BICD1: variants seen among roughly 807,000 people sequenced by gnomAD.
BICD1 encodes the protein BICD cargo adaptor 1, also known as protein bicaudal D homolog 1.
Under a neutral mutation model 92.5 loss-of-function variants are expected in BICD1, and 35 were observed. The ratio of observed to expected loss-of-function variants is 0.38; its 90% confidence interval spans 0.29 to 0.50. The LOEUF (loss-of-function observed/expected upper bound fraction) is 0.50, where lower values mean the gene tolerates loss of function less well. Among genes scored for constraint, BICD1 ranks in the 20% least tolerant of loss-of-function variants. The pLI, the probability that BICD1 is intolerant of heterozygous loss-of-function variation, is 0.93. For missense variants in BICD1, 950 were observed against 1,189.8 expected (o/e 0.80, Z 2.97); for synonymous variants, 429 against 465.1 (o/e 0.92, Z 1.00).
At chr12:32,108,620 T>C (rs1227043205) in intron 1 of BICD1, 1 of 681,304 alleles carries the variant, frequency 1.5e-6, no homozygotes, top group South Asian at 1.6e-5. Flanking sequence ...ATCAAAAATC[T>C]ATTATTTATT....
intron 2 of BICD1, among the ~76,000 whole-genome samples, chr12:32,255,660 C>T (rs529603783): frequency 2.2e-4 from 34 of 152,320 alleles, no homozygotes; most frequent in African/African-American, 7.9e-4. Context: ...CACTGGCCTG[C>T]GTGCTGCTGC....
At chr12:32,160,390 T>G (rs1384647784) in intron 1 of BICD1, among the ~76,000 whole-genome samples, 1 of 152,246 alleles carries the variant, frequency 6.6e-6, no homozygotes, top group East Asian at 1.9e-4. Context: ...CTAAGCTAGC[T>G]TAAAAATTCT....
intron 2 of BICD1, among the ~76,000 whole-genome samples, chr12:32,254,478 T>G (rs567520063): frequency 6.6e-6 from 1 of 152,376 alleles, no homozygotes; most frequent in South Asian, 2.1e-4. Flanking sequence ...ATAGAAAATT[T>G]AAATCTCTTA....
chr12:32,147,422 A>G (rs1943148191), intron 1 of BICD1, among the ~76,000 whole-genome samples: 1 of 152,158 alleles, frequency 6.6e-6, no homozygotes, highest in African/African-American at 2.4e-5. Flanking sequence ...CTTAGCCGTC[A>G]TTTTGGATAT....
chr12:32,225,247 G>A (rs1342361081), intron 2 of BICD1, among the ~76,000 whole-genome samples: 1 of 152,182 alleles, frequency 6.6e-6, no homozygotes, highest in Non-Finnish European at 1.5e-5. Context: ...CCTTCAGCAT[G>A]ATGCCTTGGA....
chr12:32,125,541 G>A (rs1030147610), intron 1 of BICD1, among the ~76,000 whole-genome samples: 3 of 152,130 alleles, frequency 2.0e-5, no homozygotes, highest in African/African-American at 4.8e-5. Flanking sequence ...GACATAATTA[G>A]CTTTATGTTT....
chr12:32,245,152 A>G (rs1322521643), intron 2 of BICD1, among the ~76,000 whole-genome samples: 2 of 152,138 alleles, frequency 1.3e-5, no homozygotes, highest in Non-Finnish European at 2.9e-5. Context: ...TTGAATATCT[A>G]GTAGTATTTT....
chr12:32,161,077 G>A (rs540704867), intron 1 of BICD1, among the ~76,000 whole-genome samples: 25 of 152,148 alleles, frequency 1.6e-4, no homozygotes, highest in African/African-American at 5.1e-4. Flanking sequence ...CTTCAGATCC[G>A]GAAAGAAAAG....
rs182618569 is a variant in BICD1 at position 32,368,704 on chromosome 12, A to T, written c.2840+959A>T. 1.4e-3 allele frequency among the ~76,000 whole-genome samples: 212 copies of T among 152,268 alleles called. 4 individuals carry two copies. In the East Asian group the frequency reaches 0.019, roughly 14 times the overall value. On this transcript the variant is annotated intron_variant, in intron 9 of 9. Coordinates refer to ENST00000652176, the MANE Select transcript of BICD1 (RefSeq NM_001714.4). ...AGAGAGATTCCATCTAAAAAAAAAT[A>T]AAAAATTAAAAAATATATATCTCAG...
chr12:32,262,569 G>A (rs1946885647), intron 2 of BICD1, among the ~76,000 whole-genome samples: 1 of 152,186 alleles, frequency 6.6e-6, no homozygotes, highest in Non-Finnish European at 1.5e-5. Context: ...TTTGGAATAA[G>A]GGTCTTTGCC....
intron 2 of BICD1, among the ~76,000 whole-genome samples, chr12:32,250,646 A>C (rs141310370): frequency 3.4e-4 from 52 of 152,250 alleles, no homozygotes; most frequent in African/African-American, 1.1e-3. Flanking sequence ...TCTTTATTGC[A>C]TACAGACATA....
chr12:32,239,426 C>T (rs991915482), intron 2 of BICD1, among the ~76,000 whole-genome samples: 60 of 149,430 alleles, frequency 4.0e-4, no homozygotes, highest in African/African-American at 1.4e-3. Flanking sequence ...ATGAGCCGGG[C>T]GTGGTGGCGC....
chr12:32,124,302 G>A (rs1798614), intron 1 of BICD1, among the ~76,000 whole-genome samples: 43,695 of 151,932 alleles, frequency 0.29, 6,505 homozygotes, highest in Admixed American at 0.43. Flanking sequence ...GTTGTTGGAG[G>A]CAACAGAGAT....
intron 5 of BICD1, chr12:32,332,777 C>G (rs1937933778): frequency 1.3e-6 from 1 of 797,962 alleles, no homozygotes; most frequent in Non-Finnish European, 1.5e-6. Flanking sequence ...CCAGACAGAA[C>G]AGTAGGTAGA....
At chr12:32,307,074 A>AAAG (rs778016380) in intron 4 of BICD1, among the ~76,000 whole-genome samples, 4 of 152,190 alleles carry the variant, frequency 2.6e-5, no homozygotes, top group Non-Finnish European at 5.9e-5. Flanking sequence ...CTGATTAACA[A>AAAG]AAGAATTCAA....
chr12:32,324,710 G>T (rs1948737102), intron 4 of BICD1, among the ~76,000 whole-genome samples: 1 of 151,980 alleles, frequency 6.6e-6, no homozygotes, highest in Non-Finnish European at 1.5e-5. Flanking sequence ...CCAGTAGCTG[G>T]GATTACAGGT....
chr12:32,207,596 G>A (rs558513549), intron 1 of BICD1, among the ~76,000 whole-genome samples: 1 of 152,200 alleles, frequency 6.6e-6, no homozygotes, highest in East Asian at 1.9e-4. Context: ...AATACAAAAT[G>A]AGAATCAAAA....
At position 32,154,860 on chromosome 12, in the gene BICD1, C is replaced by G. The variant is rs996772499; in HGVS notation, c.213+47316C>G. On this transcript the variant is annotated intron_variant, in intron 1 of 9. Transcript: ENST00000652176. ...ACCTTAATCATACACTAAATGGTATCTTTATTGATGGGTTGTCGATAAACC... is the reference window on the plus strand; with the variant it reads ...ACCTTAATCATACACTAAATGGTATGTTTATTGATGGGTTGTCGATAAACC... Among the ~76,000 whole-genome samples, 10 of 152,282 alleles carry G rather than the reference C, an allele frequency of 6.6e-5. No individual in the cohort carries two copies. In the South Asian group the frequency reaches 1.9e-3, roughly 28 times the overall value.
At chr12:32,249,361 C>G (rs956051957) in intron 2 of BICD1, among the ~76,000 whole-genome samples, 1 of 152,156 alleles carries the variant, frequency 6.6e-6, no homozygotes, top group Non-Finnish European at 1.5e-5. Flanking sequence ...TTTGAAATAG[C>G]TTAATTATAC....
Sources: gnomAD v4.1 joint callset for allele counts (sites outside exome capture counted in the v4.1 genomes callset) on GRCh38, gnomAD v4.1.1 for gene constraint, MANE v1.5 for transcripts, NCBI Gene and HGNC (gene_info 2026-07-23, HGNC 2026-07-21) for gene names.